ZNF236: variants seen among roughly 807,000 people sequenced by gnomAD.
The protein encoded by ZNF236 is regulated by glucose.
ZNF236 carries 50 observed loss-of-function variants against 191.2 expected under a neutral mutation model. The observed-to-expected ratio is 0.26, with a 90% CI of 0.21 to 0.33. ZNF236 has a LOEUF of 0.33. Ranked by LOEUF, ZNF236 falls within the 10% of genes least tolerant of loss-of-function variation. ZNF236 has a pLI of 1.00. For missense variants in ZNF236, 1,754 were observed against 2,374.5 expected (o/e 0.74, Z 5.43); for synonymous variants, 907 against 928.8 (o/e 0.98, Z 0.43).
rs1370190143 is a variant in ZNF236 at position 76,895,199 on chromosome 18, C to G, written c.1604C>G (p.Thr535Ser). The part of the protein sequence containing the change: ...STLTAHIKTH[T>S]GIKAFKCQYC... ...CTGACAGCGCACATCAAGACGCACACCGGCATCAAGGCGTTCAAGTGCCAG... is the reference window on the plus strand; with the variant it reads ...CTGACAGCGCACATCAAGACGCACAGCGGCATCAAGGCGTTCAAGTGCCAG... Residue 535 changes from threonine (T) to serine (S), a missense_variant, in exon 10 of 31, where the codon ACC (threonine) becomes AGC (serine). Thr to Ser is a moderately conservative substitution (Grantham distance 58). Coordinates refer to ENST00000320610, the MANE Select transcript of ZNF236 (RefSeq NM_001306089.2). 5 of 1,603,172 alleles carry G rather than the reference C, an allele frequency of 3.1e-6. No individual in the cohort carries two copies. Among genetic ancestry groups the G allele is most frequent in the Non-Finnish European group, 4.2e-6 (5 of 1,179,964 alleles).
chr18:76,943,888 G>C (rs369453787), intron 26 of ZNF236, among the ~76,000 whole-genome samples: 1 of 152,188 alleles, frequency 6.6e-6, no homozygotes, highest in East Asian at 1.9e-4. Context: ...AGTTTATTAA[G>C]AGTTGTGTAT....
chr18:76,848,033 T>C (rs1975747265), intron 1 of ZNF236, among the ~76,000 whole-genome samples: 1 of 152,232 alleles, frequency 6.6e-6, no homozygotes, highest in Non-Finnish European at 1.5e-5. Flanking sequence ...CAGCTGTTGC[T>C]GACTTCCTCC....
chr18:76,924,677 C>T (rs935846374), intron 21 of ZNF236, among the ~76,000 whole-genome samples: 1 of 152,224 alleles, frequency 6.6e-6, no homozygotes, highest in African/African-American at 2.4e-5. Flanking sequence ...GTACATGACA[C>T]TAGGCACACA....
At chr18:76,934,832 A>G (rs574243118) in intron 25 of ZNF236, among the ~76,000 whole-genome samples, 56 of 152,230 alleles carry the variant, frequency 3.7e-4, no homozygotes, top group Non-Finnish European at 7.5e-4. Flanking sequence ...AACTGATATC[A>G]TATCTTTTAA....
At chr18:76,832,179 A>G (rs1246419707) in intron 1 of ZNF236, among the ~76,000 whole-genome samples, 1 of 152,148 alleles carries the variant, frequency 6.6e-6, no homozygotes, top group Non-Finnish European at 1.5e-5. Flanking sequence ...TCCTGGGTTC[A>G]AGCGATTCTT....
chr18:76,898,515 A>G (rs1373221730), intron 10 of ZNF236, among the ~76,000 whole-genome samples: 2 of 152,268 alleles, frequency 1.3e-5, no homozygotes, highest in Non-Finnish European at 2.9e-5. Context: ...AGTGGGGCAC[A>G]GTAGTAAGAG....
intron 1 of ZNF236, among the ~76,000 whole-genome samples, chr18:76,829,285 G>T (rs12958192): frequency 0.24 from 35,840 of 151,324 alleles, 5,317 homozygotes; most frequent in East Asian, 0.32. Flanking sequence ...CTGGAGCGTG[G>T]CTCTCACCCT....
rs10659204 is a variant in ZNF236 at position 76,840,622 on chromosome 18, A to ATTT, written c.56-8885_56-8883dup. 1.4e-3 allele frequency among the ~76,000 whole-genome samples: 156 copies of ATTT among 115,468 alleles called. 4 individuals carry two copies. The highest frequency in any genetic ancestry group is 3.0e-3 in the South Asian group (10 of 3,334). 75.8% of individuals were successfully genotyped at this position (115,468 alleles called of 152,430 possible). A position where few individuals can be genotyped will look rare whatever the true frequency, so the allele number is the denominator to read the frequency against. On this transcript the variant is annotated intron_variant, in intron 1 of 30. Transcript: ENST00000320610. ...TGAAAGAACACCTGGGTAAAGGTGA[A>ATTT]TTTTTTTTTTTTTTTTTTTTTGAGA... is the stretch of plus-strand genomic sequence containing the variant.
At chr18:76,961,551 A>G (rs1475915939) in intron 30 of ZNF236, among the ~76,000 whole-genome samples, 1 of 152,126 alleles carries the variant, frequency 6.6e-6, no homozygotes, top group Non-Finnish European at 1.5e-5. Flanking sequence ...AAAAGATTCT[A>G]CTTATTTTCC....
At chr18:76,961,785 T>C (rs777535618) in intron 30 of ZNF236, among the ~76,000 whole-genome samples, 4 of 152,168 alleles carry the variant, frequency 2.6e-5, no homozygotes, top group Admixed American at 6.5e-5. Context: ...TGGTATCACA[T>C]TGTGGTTTTG....
At chr18:76,936,582 A>T (rs1208000764) in intron 25 of ZNF236, among the ~76,000 whole-genome samples, 1 of 152,224 alleles carries the variant, frequency 6.6e-6, no homozygotes, top group Non-Finnish European at 1.5e-5. Flanking sequence ...TATGAGATGT[A>T]TTTTGACCTC....
chr18:76,912,429 C>A, intron 17 of ZNF236, 82 bp downstream of exon 17: 1 of 940,698 alleles, frequency 1.1e-6, no homozygotes, highest in Non-Finnish European at 1.7e-6. Context: ...GCTCCAAGGG[C>A]TCTGCGATTT....
intron 9 of ZNF236, among the ~76,000 whole-genome samples, chr18:76,892,316 G>C (rs1275940292): frequency 2.0e-5 from 3 of 151,258 alleles, no homozygotes; most frequent in Admixed American, 6.6e-5. Context: ...AGTGTATACT[G>C]TATATTTCTT....
At chr18:76,858,276 TGAA>T (rs1976108083) in intron 3 of ZNF236, among the ~76,000 whole-genome samples, 1 of 152,194 alleles carries the variant, frequency 6.6e-6, no homozygotes, top group East Asian at 1.9e-4. Flanking sequence ...CAATCCTAAG[TGAA>T]GATTTGAAAT....
Position 76,873,135 on chromosome 18 carries a change from A to G in ZNF236, c.667+1310A>G, listed in dbSNP as rs193276067. 3.9e-5 allele frequency among the ~76,000 whole-genome samples: 6 copies of G among 152,332 alleles called. 1 individual carries two copies. Among genetic ancestry groups the G allele is most frequent in the African/African-American group, 1.4e-4 (6 of 41,580 alleles). On this transcript the variant is annotated intron_variant, in intron 5 of 30. Transcript: ENST00000320610. ...TTCAGCTTTAATGTGTAGTCTTTGA[A>G]GTTTTAATCAATGAAAAAATAGTTT...
intron 1 of ZNF236, among the ~76,000 whole-genome samples, chr18:76,841,682 GTTTTTTTTTTTC>G (rs1176007338): frequency 7.3e-6 from 1 of 137,094 alleles, no homozygotes; most frequent in East Asian, 2.1e-4. Context: ...TAGCAACTGG[GTTTTTTTTTTTC>G]TTTTTTTTTT....
At chr18:76,843,280 A>C (rs77612455) in intron 1 of ZNF236, among the ~76,000 whole-genome samples, 1 of 152,110 alleles carries the variant, frequency 6.6e-6, no homozygotes, top group South Asian at 2.1e-4. Flanking sequence ...TAAAAAAAAA[A>C]GCTATTAGGG....
chr18:76,940,978 G>C lies in ZNF236; in HGVS notation c.4782+3635G>C, dbSNP rs1405726455. On this transcript the variant is annotated intron_variant, in intron 26 of 30. Transcript: ENST00000320610. ...ACTACACATGTGAGGGATCTAGGTT[G>C]TGTGATCCTTATGAGAATCTAGCTA... is the stretch of plus-strand genomic sequence containing the variant. Among the ~76,000 whole-genome samples, 4 of 152,236 alleles carry C rather than the reference G, an allele frequency of 2.6e-5. No homozygotes were observed. The East Asian group carries it at 7.7e-4, about 29-fold the overall frequency.
intron 19 of ZNF236, among the ~76,000 whole-genome samples, chr18:76,917,697 T>A (rs1213042508): frequency 1.3e-5 from 2 of 152,176 alleles, no homozygotes; most frequent in Non-Finnish European, 2.9e-5. Context: ...TTGTTCTCTG[T>A]CTCCAGTCTG....
Sources: allele counts gnomAD v4.1 joint callset (sites outside exome capture counted in the v4.1 genomes callset), GRCh38; gene constraint gnomAD v4.1.1; transcripts MANE v1.5; gene names NCBI Gene and HGNC (gene_info 2026-07-23, HGNC 2026-07-21).